FDFT1: variants seen among roughly 807,000 people sequenced by gnomAD.
FDFT1 encodes farnesyl-diphosphate farnesyltransferase 1.
In FDFT1, 68 loss-of-function variants were observed where a neutral mutation model predicts 46.8. That is an observed-to-expected ratio of 1.45 (90% CI 1.19 to 1.78). The LOEUF is 1.78. Among genes scored for constraint, FDFT1 ranks in the 40% most tolerant of loss-of-function variants. The probability of loss-of-function intolerance (pLI) is 0.00; values close to 1 mark genes in which losing one functional copy is unlikely to be tolerated. For synonymous variants in FDFT1, 351 were observed against 185.1 expected, an observed-to-expected ratio of 1.90 and a Z score of -7.28; for missense variants, 928 against 524.4, an observed-to-expected ratio of 1.77 and a Z score of -7.52.
intron 3 of FDFT1, among the ~76,000 whole-genome samples, chr8:11,819,535 G>C (rs567133819): frequency 6.6e-6 from 1 of 152,064 alleles, no homozygotes; most frequent in East Asian, 1.9e-4. Context: ...TGAAGCCTTT[G>C]TTCATTTCTT....
intron 7 of FDFT1, among the ~76,000 whole-genome samples, chr8:11,835,562 A>G (rs1811424128): frequency 6.6e-6 from 1 of 152,192 alleles, no homozygotes; most frequent in Non-Finnish European, 1.5e-5. Context: ...GTTCTCTAAA[A>G]GGGTTTTTGT....
At chr8:11,795,968 GA>G (rs1805518408) in exon 1 of FDFT1, 1 of 152,246 alleles carries the variant, frequency 6.6e-6, no homozygotes. Flanking sequence ...GTGAGACCAA[GA>G]ACCAACCAAT....
At chr8:11,837,422 G>A (rs1466004082) in intron 7 of FDFT1, among the ~76,000 whole-genome samples, 1 of 151,730 alleles carries the variant, frequency 6.6e-6, no homozygotes, top group Admixed American at 6.6e-5. Context: ...TGTAGAAACA[G>A]GGTTTTACTG....
At chr8:11,808,418 C>T (rs1178761175) in intron 1 of FDFT1, 14 of 1,255,694 alleles carry the variant, frequency 1.1e-5, no homozygotes, top group Non-Finnish European at 3.0e-6. Flanking sequence ...CGGCCCAGCG[C>T]GTATTCGAGT....
At chr8:11,818,693 T>G (rs532180135) in intron 3 of FDFT1, among the ~76,000 whole-genome samples, 1 of 152,192 alleles carries the variant, frequency 6.6e-6, no homozygotes, top group Non-Finnish European at 1.5e-5. Context: ...TCCCTGCTTT[T>G]TTTTTTCGCT....
At chr8:11,831,717 A>T (rs771595508) in intron 7 of FDFT1, 47 bp downstream of exon 7, 1 of 1,483,060 alleles carries the variant, frequency 6.7e-7, no homozygotes, top group Admixed American at 1.7e-5. Flanking sequence ...TACTTTTATG[A>T]TTTAGTAATG....
chr8:11,801,347 C>G (rs186243060), upstream of FDFT1, among the ~76,000 whole-genome samples: 5 of 152,260 alleles, frequency 3.3e-5, no homozygotes, highest in South Asian at 2.1e-4. Context: ...GAGATGAAGT[C>G]TCGCTCTTGT....
chr8:11,814,433 G>A (rs148464338), intron 3 of FDFT1, among the ~76,000 whole-genome samples: 176 of 151,974 alleles, frequency 1.2e-3, no homozygotes, highest in African/African-American at 3.8e-3. Flanking sequence ...TTAATTTTAG[G>A]TGTATTCCGA....
intron 7 of FDFT1, among the ~76,000 whole-genome samples, chr8:11,833,812 GACTT>G (rs1811187550): frequency 6.6e-6 from 1 of 152,200 alleles, no homozygotes; most frequent in Admixed American, 6.5e-5. Context: ...GCTGACTTCT[GACTT>G]AGGGTATCAG....
chr8:11,801,959 G>A (rs1449983691), upstream of FDFT1: 2 of 455,650 alleles, frequency 4.4e-6, no homozygotes, highest in South Asian at 1.5e-5. Context: ...AAAGTGTTGC[G>A]ATTACAGGCG....
In FDFT1 at chr8:11,803,855, G is replaced by T. The variant is rs113583756; in HGVS notation, c.99+924G>T. The T allele has an allele frequency of 2.0e-3, 307 of 154,860 alleles. 3 individuals carry two copies. The highest frequency in any genetic ancestry group is 4.8e-3 in the African/African-American group (200 of 41,574). 9.6% of individuals were successfully genotyped at this position (154,860 alleles called of 1,614,324 possible). On this transcript the variant is annotated intron_variant, in intron 1 of 7. Coordinates refer to ENST00000220584, the MANE Select transcript of FDFT1 (RefSeq NM_004462.5). ...CCAGTAGACTACACCCTCATTTGGT[G>T]TTATTTTTCACGTGCTATCTTTAAT...
intron 6 of FDFT1, among the ~76,000 whole-genome samples, chr8:11,831,282 A>T (rs1272775328): frequency 1.3e-5 from 2 of 152,222 alleles, no homozygotes; most frequent in African/African-American, 4.8e-5. Context: ...TTTTGTGGCT[A>T]CATTATAGAA....
At chr8:11,832,894 G>A (rs57725348) in intron 7 of FDFT1, among the ~76,000 whole-genome samples, 26,090 of 152,102 alleles carry the variant, frequency 0.17, 2,556 homozygotes, top group African/African-American at 0.26. Context: ...ATGGTTTTGT[G>A]CATCCGTCTA....
upstream of FDFT1, chr8:11,802,579 C>T (rs1266000653): frequency 6.4e-6 from 4 of 621,412 alleles, no homozygotes; most frequent in Non-Finnish European, 1.2e-5. Context: ...GACTGATTGG[C>T]CGGGGTCTTC....
intron 4 of FDFT1, among the ~76,000 whole-genome samples, chr8:11,822,428 C>T (rs1184336696): frequency 3.3e-5 from 5 of 152,182 alleles, no homozygotes; most frequent in Non-Finnish European, 7.3e-5. Context: ...ATTTTTCAAA[C>T]CTCAAAACTT....
rs866345465 is a variant in FDFT1, at chr8:11,809,110, G to C, written c.197+219G>C. ...CGGGCCCAGCCTTTCAGAGAAGAGG[G>C]GGGAGGGGGTGATGTTTATTAACTT... On this transcript the variant is annotated intron_variant, in intron 2 of 7. Transcript: ENST00000220584. The C allele has an allele frequency of 1.0e-5, 13 of 1,285,890 alleles. 1 individual carries two copies. The African/African-American group carries it at 1.5e-4, about 15-fold the overall frequency. The allele number at this position is 1,285,890 out of a possible 1,614,324, so 79.7% of individuals were successfully genotyped here.
chr8:11,796,887 G>A (rs1025744483), intron 1 of FDFT1, among the ~76,000 whole-genome samples: 1 of 152,258 alleles, frequency 6.6e-6, no homozygotes, highest in Non-Finnish European at 1.5e-5. Context: ...AAGAGGCAGT[G>A]TGACAGCTCC....
intron 1 of FDFT1, among the ~76,000 whole-genome samples, chr8:11,796,906 T>G (rs996302443): frequency 6.6e-6 from 1 of 152,252 alleles, no homozygotes; most frequent in Non-Finnish European, 1.5e-5. Flanking sequence ...CCGTGACTTT[T>G]CCTGCAGAGT....
At position 11,830,314 on chromosome 8, in the gene FDFT1, G is replaced by C; in HGVS notation, c.773G>C (p.Cys258Ser). 6.2e-7 allele frequency: 1 copy of C among 1,613,854 alleles called. No homozygotes were observed. Among genetic ancestry groups the C allele is most frequent in the Non-Finnish European group, 8.5e-7 (1 of 1,179,760 alleles). Reference protein sequence around the residue: ...KPENIDLAVQCLNELITNALH... With the variant: ...KPENIDLAVQSLNELITNALH... ...GAGAATATTGACTTGGCCGTGCAGT[G>C]CCTGAATGAACTTATAACCAATGCA... Residue 258 changes from cysteine (C) to serine (S), a missense_variant, in exon 6 of 8, where the codon TGC (cysteine) becomes TCC (serine). Cys to Ser is a moderately radical substitution (Grantham distance 112, BLOSUM62 -1). Transcript: ENST00000220584.
Sources: allele counts gnomAD v4.1 joint callset (sites outside exome capture counted in the v4.1 genomes callset), GRCh38; gene constraint gnomAD v4.1.1; transcripts MANE v1.5; gene names NCBI Gene and HGNC (gene_info 2026-07-23, HGNC 2026-07-21).